PUDP: variants seen among roughly 807,000 people sequenced by gnomAD.
The protein encoded by PUDP is pseudouridine 5'-phosphatase.
In PUDP, 8 loss-of-function variants were observed where a neutral mutation model predicts 9.4. The ratio of observed to expected loss-of-function variants is 0.85; its 90% CI spans 0.50 to 1.53. PUDP has a LOEUF of 1.53. Ranked by LOEUF, PUDP falls within the 40% of genes most tolerant of loss-of-function variation. PUDP has a pLI of 0.00. For missense variants in PUDP, 188 were observed against 189.7 expected, an observed-to-expected ratio of 0.99 and a Z score of 0.05; for synonymous variants, 99 against 80.7, an observed-to-expected ratio of 1.23 and a Z score of -1.22.
At chrX:6,860,635 C>T (rs1926986705) in intron 3 of PUDP, among the ~76,000 whole-genome samples, 1 of 110,682 alleles carries the variant, frequency 9.0e-6, no homozygotes, top group South Asian at 3.9e-4. Context: ...CCACACCCGG[C>T]TAATTTTTGT....
intron 1 of PUDP, among the ~76,000 whole-genome samples, chrX:7,029,075 A>G (rs1404773336): frequency 8.9e-6 from 1 of 112,408 alleles, no homozygotes; most frequent in Non-Finnish European, 1.9e-5. Context: ...CATGCAGCCC[A>G]GGACAGCTTT....
At position 6,986,502 on chromosome X, in the gene PUDP, G is replaced by A. The variant is rs760495535; in HGVS notation, c.205-8159C>T. On this transcript the variant is annotated intron_variant and NMD_transcript_variant, in intron 1 of 3. Transcript: ENST00000655425. ...TGAAAAACCACAGCAGATGACAATC[G>A]CCCCCTCCGGCCACAGAAGTCTGAA... 1.2e-4 allele frequency among the ~76,000 whole-genome samples: 13 copies of A among 111,255 alleles called. No individual in the cohort carries two copies. In the South Asian group the frequency reaches 2.7e-3, roughly 23 times the overall value.
chrX:6,858,599 T>C (rs975384014), intron 3 of PUDP, among the ~76,000 whole-genome samples: 3 of 111,672 alleles, frequency 2.7e-5, no homozygotes, highest in Non-Finnish European at 5.6e-5. Flanking sequence ...GGATTACAGA[T>C]GTGAGCCCCA....
At chrX:7,018,453 A>G (rs1449308487) in intron 1 of PUDP, among the ~76,000 whole-genome samples, 1 of 112,388 alleles carries the variant, frequency 8.9e-6, no homozygotes, top group Non-Finnish European at 1.9e-5. Flanking sequence ...AAATCAAAGA[A>G]AAATTTGAGG....
chrX:7,125,007 A>T (rs1387248552), intron 1 of PUDP, among the ~76,000 whole-genome samples: 1 of 82,527 alleles, frequency 1.2e-5, no homozygotes, highest in Non-Finnish European at 2.2e-5. Context: ...CTGTACAATG[A>T]CTTTCAAACA....
intron 3 of PUDP, among the ~76,000 whole-genome samples, chrX:6,868,814 C>T (rs1318542814): frequency 1.8e-5 from 2 of 111,886 alleles, no homozygotes; most frequent in Non-Finnish European, 3.8e-5. Flanking sequence ...TTAGGAGCCA[C>T]CAGCCTGGTG....
chrX:6,880,187 T>C (rs1210183222), intron 3 of PUDP, among the ~76,000 whole-genome samples: 2 of 109,823 alleles, frequency 1.8e-5, no homozygotes, highest in Non-Finnish European at 3.8e-5. Context: ...TTTCTGAGAT[T>C]TTGGTGCACC....
chrX:6,950,285 C>T lies in PUDP; in HGVS notation c.*247+26848G>A, dbSNP rs183508109. 4.6e-3 allele frequency among the ~76,000 whole-genome samples: 454 copies of T among 98,424 alleles called. 7 individuals carry two copies. The highest frequency in any genetic ancestry group is 0.016 in the African/African-American group (430 of 26,292). 85.5% of individuals were successfully genotyped at this position (98,424 alleles called of 115,157 possible). A position where few individuals can be genotyped will look rare whatever the true frequency, so the allele number is the denominator to read the frequency against. Reference sequence around the variant, plus strand: ...CCAGGGAGGTGGAGGCTGCAATGAGCCTTGATCATGCCACTGCACTCCAGC... The same window carrying T: ...CCAGGGAGGTGGAGGCTGCAATGAGTCTTGATCATGCCACTGCACTCCAGC... On this transcript the variant is annotated intron_variant and NMD_transcript_variant, in intron 3 of 3. Transcript: ENST00000655425.
chrX:7,145,320 A>G (rs902834427), intron 1 of PUDP, among the ~76,000 whole-genome samples: 6 of 112,067 alleles, frequency 5.4e-5, no homozygotes, highest in Non-Finnish European at 1.1e-4. Context: ...ATGAGACAGA[A>G]CTGCTCTGGA....
downstream of PUDP, among the ~76,000 whole-genome samples, chrX:7,048,687 T>C (rs1048708645): frequency 4.5e-5 from 5 of 112,079 alleles, no homozygotes; most frequent in Admixed American, 9.5e-5. Context: ...AACACCAACA[T>C]AAATACTTGG....
chrX:6,848,079 C>G (rs1295930541), intron 3 of PUDP, among the ~76,000 whole-genome samples: 1 of 111,792 alleles, frequency 8.9e-6, no homozygotes, highest in African/African-American at 3.3e-5. Flanking sequence ...AAATTTACAC[C>G]AAGGGATCCT....
chrX:7,119,744 T>C (rs749634898), intron 1 of PUDP, among the ~76,000 whole-genome samples: 1 of 112,238 alleles, frequency 8.9e-6, no homozygotes, highest in African/African-American at 3.2e-5. Flanking sequence ...TTCTCATCCA[T>C]ATTTAAATTT....
At chrX:7,097,630 C>T (rs1931609308) in intron 2 of PUDP, among the ~76,000 whole-genome samples, 2 of 111,255 alleles carry the variant, frequency 1.8e-5, no homozygotes, top group African/African-American at 6.5e-5. Context: ...GGATGACATA[C>T]TCCATTAGGA....
intron 3 of PUDP, among the ~76,000 whole-genome samples, chrX:6,956,206 C>A (rs771749084): frequency 7.2e-5 from 8 of 111,680 alleles, no homozygotes; most frequent in Non-Finnish European, 1.5e-4. Flanking sequence ...CATGCCACCA[C>A]GCCCAGCTAA....
intron 1 of PUDP, among the ~76,000 whole-genome samples, chrX:6,978,995 A>T (rs1174393228): frequency 8.9e-6 from 1 of 112,337 alleles, no homozygotes; most frequent in Non-Finnish European, 1.9e-5. Flanking sequence ...GAGCATGTGC[A>T]GAGGATAAAA....
rs765332661 is a variant in PUDP at position 6,734,038 on chromosome X, A to G, written c.*248-27572T>C. 9.9e-5 allele frequency among the ~76,000 whole-genome samples: 11 copies of G among 110,786 alleles called. No homozygotes were observed. The South Asian group carries it at 3.9e-3, about 39-fold the overall frequency. ...AATGATCTGCCCACCTTGGCCTCCC[A>G]AAGTGTTGGGATTACAGGCATGAGC... is the stretch of plus-strand genomic sequence containing the variant. On this transcript the variant is annotated intron_variant and NMD_transcript_variant, in intron 3 of 3. Transcript: ENST00000655425.
At chrX:6,861,145 A>G (rs891901861) in intron 3 of PUDP, among the ~76,000 whole-genome samples, 3 of 111,991 alleles carry the variant, frequency 2.7e-5, no homozygotes, top group Non-Finnish European at 5.6e-5. Flanking sequence ...AGTTTCATCA[A>G]GTAATACCCT....
intron 1 of PUDP, among the ~76,000 whole-genome samples, chrX:7,109,204 T>C (rs1395140290): frequency 8.9e-6 from 1 of 111,961 alleles, no homozygotes; most frequent in African/African-American, 3.2e-5. Context: ...CCTTTTATTT[T>C]CTTCTTCTCT....
At position 7,142,693 on chromosome X, in the gene PUDP, G is replaced by A. The variant is rs373116187; in HGVS notation, c.61+5360C>T. Among the ~76,000 whole-genome samples the A allele has an allele frequency of 6.5e-5, 6 of 92,983 alleles. No individual in the cohort carries two copies. The East Asian group carries it at 2.0e-3, about 31-fold the overall frequency. The allele number at this position is 92,983 out of a possible 115,157, so 80.7% of individuals were successfully genotyped here. On this transcript the variant is annotated intron_variant, in intron 1 of 3. Coordinates refer to ENST00000381077, the MANE Select transcript of PUDP (RefSeq NM_012080.5). ...AGAGTCTTACTCTGTCGTCCAGGCT[G>A]GAGTGCAGTGGTGGGATCTCGGCTC... is the stretch of plus-strand genomic sequence containing the variant.
Sources: allele counts gnomAD v4.1 joint callset (sites outside exome capture counted in the v4.1 genomes callset), GRCh38; gene constraint gnomAD v4.1.1; transcripts MANE v1.5; gene names NCBI Gene and HGNC (gene_info 2026-07-23, HGNC 2026-07-21).